Variants in CTNND2 observed in about 807,000 individuals in gnomAD.
CTNND2 encodes the protein catenin delta 2, also known as catenin delta-2.
CTNND2 carries 22 observed loss-of-function variants against 144.4 expected under a neutral mutation model. The observed-to-expected ratio is 0.15, with a 90% CI of 0.11 to 0.22. The LOEUF is 0.22. CTNND2 is among the 10% of genes least tolerant of loss of function. The pLI is 1.00. For missense variants in CTNND2, 1,353 were observed against 1,618.8 expected (o/e 0.84, Z 2.82); for synonymous variants, 751 against 695.6 (o/e 1.08, Z -1.25).
At chr5:11,874,104 T>C (rs1735369654) in intron 1 of CTNND2, among the ~76,000 whole-genome samples, 1 of 152,196 alleles carries the variant, frequency 6.6e-6, no homozygotes, top group Admixed American at 6.5e-5. Context: ...AACGCTGGAA[T>C]TGATTAAACA....
At chr5:11,493,572 C>T (rs146257789) in intron 3 of CTNND2, among the ~76,000 whole-genome samples, 2 of 152,266 alleles carry the variant, frequency 1.3e-5, no homozygotes, top group Admixed American at 6.5e-5. Flanking sequence ...CAGGCAAGCA[C>T]AATATTGCTG....
At chr5:11,816,660 AGAGGAG>A (rs1345600201) in intron 1 of CTNND2, among the ~76,000 whole-genome samples, 1 of 7,054 alleles carries the variant, frequency 1.4e-4, no homozygotes, top group African/African-American at 4.0e-4. Flanking sequence ...AGAGAGAGAG[AGAGGAG>A]GAGAGAGAGA....
intron 1 of CTNND2, among the ~76,000 whole-genome samples, chr5:11,880,004 G>C (rs745410356): frequency 2.0e-5 from 3 of 152,102 alleles, no homozygotes; most frequent in African/African-American, 7.2e-5. Context: ...CCACTGTCCT[G>C]GGTTCTGGAG....
chr5:11,836,723 A>G (rs1794202446), intron 1 of CTNND2, among the ~76,000 whole-genome samples: 3 of 152,248 alleles, frequency 2.0e-5, no homozygotes, highest in African/African-American at 7.2e-5. Context: ...AAATTATTTT[A>G]AAGTAGCCTA....
rs1247786644 is a variant in CTNND2 at position 11,346,542 on chromosome 5, G to A, written c.1458C>T (p.Phe486=). ...HGPQNAAAAT[F]QRASYAAGPA... is the part of the protein sequence containing the mutation. Reference sequence around the variant, plus strand: ...GGCCGGCGGCATAGCTGGCCCTCTGGAAGGTGGCCGCGGCGGCATTCTGTG... The same window carrying A: ...GGCCGGCGGCATAGCTGGCCCTCTGAAAGGTGGCCGCGGCGGCATTCTGTG... The change falls in exon 9 of 22, where the codon TTC becomes TTT. Residue 486 remains phenylalanine (F), a synonymous_variant. Coordinates refer to ENST00000304623, the MANE Select transcript of CTNND2 (RefSeq NM_001332.4). 1 of 1,604,264 alleles carries A rather than the reference G, an allele frequency of 6.2e-7. No individual in the cohort carries two copies. The highest frequency in any genetic ancestry group is 1.3e-5 in the African/African-American group (1 of 74,492).
chr5:11,560,209 T>C lies in CTNND2; in HGVS notation c.287+4735A>G, dbSNP rs34757522. On this transcript the variant is annotated intron_variant, in intron 3 of 21. Transcript: ENST00000304623. ...CTGCTGGCCTCACTCTTTATAATTG[T>C]TATTATTGTCATAAATCATCATCAT... is the stretch of plus-strand genomic sequence containing the variant. 9.6e-4 allele frequency among the ~76,000 whole-genome samples: 146 copies of C among 152,350 alleles called. 1 individual carries two copies. The highest frequency in any genetic ancestry group is 3.5e-3 in the African/African-American group (144 of 41,578).
rs556671681 is a variant in CTNND2, at chr5:11,300,487, C to T, written c.1628+45885G>A. ...TGTCCCCCAGATGTTCTGCCATCTC[C>T]ACCTCCTAGTGTGAATAACAGGCCT... On this transcript the variant is annotated intron_variant, in intron 9 of 21. Coordinates refer to ENST00000304623, the MANE Select transcript of CTNND2 (RefSeq NM_001332.4). 2.6e-5 allele frequency among the ~76,000 whole-genome samples: 4 copies of T among 152,256 alleles called. No homozygotes were observed. In the East Asian group the frequency reaches 7.7e-4, roughly 29 times the overall value.
At chr5:11,871,529 C>T (rs775381649) in intron 1 of CTNND2, among the ~76,000 whole-genome samples, 36 of 152,130 alleles carry the variant, frequency 2.4e-4, no homozygotes, top group Admixed American at 8.5e-4. Flanking sequence ...ATCTGATTAG[C>T]ATCATTTCTT....
chr5:11,141,077 T>C (rs576541196), intron 12 of CTNND2, among the ~76,000 whole-genome samples: 3 of 152,234 alleles, frequency 2.0e-5, no homozygotes, highest in South Asian at 2.1e-4. Context: ...ACCTCAGACT[T>C]CCAAGTAGCT....
chr5:11,075,097 C>T (rs192124476), intron 16 of CTNND2, among the ~76,000 whole-genome samples: 1 of 152,270 alleles, frequency 6.6e-6, no homozygotes, highest in Non-Finnish European at 1.5e-5. Flanking sequence ...TGATTTTGTT[C>T]ACGTGGGAAA....
At chr5:11,047,382 G>A (rs779881897) in intron 16 of CTNND2, among the ~76,000 whole-genome samples, 6 of 152,124 alleles carry the variant, frequency 3.9e-5, no homozygotes, top group Admixed American at 6.5e-5. Context: ...GTTTTCCCAC[G>A]TAAAAGGCAT....
At chr5:11,706,229 T>A (rs1023647141) in intron 2 of CTNND2, among the ~76,000 whole-genome samples, 1 of 152,202 alleles carries the variant, frequency 6.6e-6, no homozygotes, top group African/African-American at 2.4e-5. Flanking sequence ...CCAGCTAGTC[T>A]GTGCCTGGAC....
At chr5:11,507,622 G>A (rs1771190161) in intron 3 of CTNND2, among the ~76,000 whole-genome samples, 1 of 152,232 alleles carries the variant, frequency 6.6e-6, no homozygotes, top group African/African-American at 2.4e-5. Flanking sequence ...GAGAGCAGGT[G>A]TAAGCCATTT....
At chr5:11,105,450 C>T (rs1752330134) in intron 14 of CTNND2, among the ~76,000 whole-genome samples, 1 of 152,140 alleles carries the variant, frequency 6.6e-6, no homozygotes, top group African/African-American at 2.4e-5. Flanking sequence ...GGGAGGCTGG[C>T]AAATACCCTG....
intron 2 of CTNND2, among the ~76,000 whole-genome samples, chr5:11,668,920 T>A (rs1302640948): frequency 6.6e-6 from 1 of 152,200 alleles, no homozygotes; most frequent in Non-Finnish European, 1.5e-5. Flanking sequence ...ATAGCTCTTA[T>A]TATTTTGAGA....
chr5:11,698,185 TTCA>T (rs1785224714), intron 2 of CTNND2, among the ~76,000 whole-genome samples: 1 of 152,122 alleles, frequency 6.6e-6, no homozygotes, highest in Non-Finnish European at 1.5e-5. Flanking sequence ...TCAGAAACAG[TTCA>T]AAAGCTCCCA....
At position 11,461,356 on chromosome 5, in the gene CTNND2, G is replaced by A. The variant is rs143589735; in HGVS notation, c.288-49287C>T. On this transcript the variant is annotated intron_variant, in intron 3 of 21. Transcript: ENST00000304623. ...CTCGGTCCAAACCCAGCCCTTTCACGGGAACCTGAGAGTAAATGTAACTGC... is the reference window on the plus strand; with the variant it reads ...CTCGGTCCAAACCCAGCCCTTTCACAGGAACCTGAGAGTAAATGTAACTGC... Among the ~76,000 whole-genome samples the A allele has an allele frequency of 6.1e-4, 93 of 152,222 alleles. 1 individual carries two copies. In the East Asian group the frequency reaches 9.1e-3, roughly 15 times the overall value.
At chr5:11,110,822 G>C (rs772224644) in intron 14 of CTNND2, 36 bp downstream of exon 14, 1 of 1,577,150 alleles carries the variant, frequency 6.3e-7, no homozygotes, top group African/African-American at 1.3e-5. Flanking sequence ...ATTAGGAAGG[G>C]GATAATTGCA....
At chr5:11,159,443 T>C (rs966237873) in intron 12 of CTNND2, 133 bp downstream of exon 12, 1 of 675,070 alleles carries the variant, frequency 1.5e-6, no homozygotes. Flanking sequence ...CTTCTTATAC[T>C]CCGTTGCCAC....
Sources: allele counts gnomAD v4.1 joint callset (sites outside exome capture counted in the v4.1 genomes callset), GRCh38; gene constraint gnomAD v4.1.1; transcripts MANE v1.5; gene names NCBI Gene and HGNC (gene_info 2026-07-23, HGNC 2026-07-21).